GNE: variants seen among roughly 807,000 people sequenced by gnomAD.
The protein encoded by GNE is glucosamine (UDP-N-acetyl)-2-epimerase/N-acetylmannosamine kinase, also known as bifunctional UDP-N-acetylglucosamine 2-epimerase/N-acetylmannosamine kinase.
In GNE, 41 loss-of-function variants were observed where a neutral mutation model predicts 61.8. The ratio of observed to expected loss-of-function variants is 0.66; its 90% CI spans 0.52 to 0.86. The LOEUF is 0.86. GNE is among the 40% of genes least tolerant of loss of function. The pLI is 0.00. For missense variants in GNE, 608 were observed against 909.1 expected (o/e 0.67, Z 4.26); for synonymous variants, 264 against 326.4 (o/e 0.81, Z 2.06).
intron 3 of GNE, among the ~76,000 whole-genome samples, chr9:36,245,728 T>C (rs760334231): frequency 6.6e-6 from 1 of 152,152 alleles, no homozygotes; most frequent in African/African-American, 2.4e-5. Flanking sequence ...TATAATTTTA[T>C]AGCTCCCCCT....
At chr9:36,234,763 C>T (rs141408702) in intron 4 of GNE, among the ~76,000 whole-genome samples, 113 of 152,292 alleles carry the variant, frequency 7.4e-4, no homozygotes, top group African/African-American at 2.6e-3. Context: ...AAATTGCTAA[C>T]CTGACTGGTT....
intron 10 of GNE, among the ~76,000 whole-genome samples, chr9:36,219,392 T>C (rs911330599): frequency 1.3e-5 from 2 of 152,072 alleles, no homozygotes; most frequent in African/African-American, 4.8e-5. Flanking sequence ...CCACTCCCCA[T>C]CTCTTTTCCT....
intron 7 of GNE, among the ~76,000 whole-genome samples, chr9:36,225,196 A>T (rs535406255): frequency 7.0e-4 from 107 of 152,282 alleles, no homozygotes; most frequent in Middle Eastern, 3.4e-3. Flanking sequence ...CTTTATATAG[A>T]TTACATCGTT....
chr9:36,230,483 G>A (rs150408107), intron 5 of GNE, among the ~76,000 whole-genome samples: 8 of 150,702 alleles, frequency 5.3e-5, no homozygotes, highest in Non-Finnish European at 1.2e-4. Flanking sequence ...TTTTTGAGAC[G>A]GAGTCTTGCT....
chr9:36,257,719 C>T lies in GNE; in HGVS notation c.-43+602G>A, dbSNP rs966715011. Among the ~76,000 whole-genome samples, 7 of 134,578 alleles carry T rather than the reference C, an allele frequency of 5.2e-5. No homozygotes were observed. The East Asian group carries it at 1.2e-3, about 23-fold the overall frequency. The allele number at this position is 134,578 out of a possible 152,430, so 88.3% of individuals were successfully genotyped here. ...TCGGGAGGCTGAGGCAGGAGAATGG[C>T]GTGAACCTGGGAGGCGGAGCTTGCA... On this transcript the variant is annotated intron_variant, in intron 1 of 11. Transcript: ENST00000642385.
chr9:36,231,589 C>T (rs1829158187), intron 5 of GNE, among the ~76,000 whole-genome samples: 1 of 152,188 alleles, frequency 6.6e-6, no homozygotes, highest in Admixed American at 6.5e-5. Context: ...TGAAAGGCAT[C>T]TTCTCTTTTC....
At chr9:36,228,708 T>A (rs1226675246) in intron 6 of GNE, among the ~76,000 whole-genome samples, 2 of 148,172 alleles carry the variant, frequency 1.3e-5, no homozygotes, top group African/African-American at 5.0e-5. Context: ...ACAGGAGAAT[T>A]GCTTGAACCC....
chr9:36,266,825 G>C (rs1024847291), intron 1 of GNE, among the ~76,000 whole-genome samples: 18 of 151,928 alleles, frequency 1.2e-4, no homozygotes, highest in Non-Finnish European at 2.4e-4. Flanking sequence ...AGGAGAATGG[G>C]GTGAACCCGG....
chr9:36,251,802 T>G (rs1830114629), intron 1 of GNE, among the ~76,000 whole-genome samples: 1 of 152,108 alleles, frequency 6.6e-6, no homozygotes, highest in South Asian at 2.1e-4. Context: ...CCTCTGCTGT[T>G]GGTACCTCAA....
chr9:36,237,091 A>G (rs1366906947), intron 3 of GNE, 107 bp from the exon 4 acceptor site: 1 of 863,720 alleles, frequency 1.2e-6, no homozygotes, highest in African/African-American at 1.7e-5. Context: ...TAAAAATTCT[A>G]CGATAGAAAC....
At chr9:36,223,598 A>G in intron 7 of GNE, 96 bp from the exon 8 acceptor site, 7 of 1,290,292 alleles carry the variant, frequency 5.4e-6, no homozygotes, top group South Asian at 2.4e-5. Flanking sequence ...AGACACTGCT[A>G]TAGGATGGCC....
Position 36,218,580 on chromosome 9 carries a change from GCAGA to G in GNE, c.1817-285_1817-282del, listed in dbSNP as rs1444742245. 1.3e-5 allele frequency among the ~76,000 whole-genome samples: 2 copies of G among 152,182 alleles called. No individual in the cohort carries two copies. Among genetic ancestry groups the G allele is most frequent in the African/African-American group, 4.8e-5 (2 of 41,450 alleles). ...GCTCCCTCACTTCTCACTTCCAGTAGCAGACAGTCTTTGAAGTGTTCTTTTCTCC... is the reference window on the plus strand; with the variant it reads ...GCTCCCTCACTTCTCACTTCCAGTAGCAGTCTTTGAAGTGTTCTTTTCTCC... On this transcript the variant is annotated intron_variant, in intron 10 of 11. Coordinates refer to ENST00000642385, the MANE Select transcript of GNE (RefSeq NM_005476.7). This position sits in a 1 kb window ranked among gnomAD's most constrained non-coding sequence, Gnocchi z 4.1.
At chr9:36,238,090 A>ATATAGATG in intron 3 of GNE, among the ~76,000 whole-genome samples, 1 of 150,736 alleles carries the variant, frequency 6.6e-6, no homozygotes, top group African/African-American at 2.5e-5. Context: ...ACACATAGAT[A>ATATAGATG]TATAGATGTA....
At chr9:36,225,079 C>G (rs1007315720) in intron 7 of GNE, among the ~76,000 whole-genome samples, 3 of 151,942 alleles carry the variant, frequency 2.0e-5, no homozygotes, top group Admixed American at 1.3e-4. Context: ...TTATGTTGAT[C>G]TTATAAATCA....
At chr9:36,258,540 A>G, upstream of GNE, 1 of 984,350 alleles carries the variant, frequency 1.0e-6, no homozygotes, top group Non-Finnish European at 1.2e-6. Flanking sequence ...ACGCCACCCG[A>G]GAGAGCTCGC....
intron 1 of GNE, among the ~76,000 whole-genome samples, chr9:36,268,697 T>C (rs1255244724): frequency 1.3e-5 from 2 of 151,934 alleles, no homozygotes; most frequent in African/African-American, 4.8e-5. Context: ...GTGGGAAGTA[T>C]GTTCTTCTGG....
At chr9:36,236,231 C>T (rs1164337864) in intron 4 of GNE, among the ~76,000 whole-genome samples, 1 of 151,522 alleles carries the variant, frequency 6.6e-6, no homozygotes, top group Non-Finnish European at 1.5e-5. Context: ...GATGGAGTCT[C>T]ACTCTGTCAC....
intron 8 of GNE, 30 bp downstream of exon 8, chr9:36,223,343 A>G: frequency 1.9e-6 from 3 of 1,594,272 alleles, no homozygotes; most frequent in Non-Finnish European, 2.6e-6. Context: ...TAAAATGAGC[A>G]TTTCTTGGAT....
chr9:36,217,626 AG>A (rs770596819), intron 11 of GNE, 26 bp from the exon 12 acceptor site: 1 of 1,461,148 alleles, frequency 6.8e-7, no homozygotes, highest in Admixed American at 1.7e-5. Flanking sequence ...AATTAAAATG[AG>A]TTTCTGAGAG....
Sources: gnomAD v4.1 joint callset for allele counts (sites outside exome capture counted in the v4.1 genomes callset) on GRCh38, gnomAD v4.1.1 for gene constraint, Gnocchi (gnomAD v3.1) non-coding constraint, MANE v1.5 for transcripts, NCBI Gene and HGNC (gene_info 2026-07-23, HGNC 2026-07-21) for gene names.